The following ZMYM5 variants were observed in gnomAD, a reference collection of about 807,000 sequenced individuals.
The protein encoded by ZMYM5 is zinc finger MYM-type protein 5.
Under a neutral mutation model 61.8 loss-of-function variants are expected in ZMYM5, and 41 were observed. That is an observed-to-expected ratio of 0.66 (90% CI 0.52 to 0.86). The LOEUF is 0.86. Ranked by LOEUF, ZMYM5 falls within the 40% of genes least tolerant of loss-of-function variation. The probability of loss-of-function intolerance (pLI) is 0.00; values close to 1 mark genes in which losing one functional copy is unlikely to be tolerated. For missense variants in ZMYM5, 706 were observed against 786.7 expected, an observed-to-expected ratio of 0.90 and a Z score of 1.23; for synonymous variants, 257 against 276.4, an observed-to-expected ratio of 0.93 and a Z score of 0.70.
chr13:19,844,784 G>A (rs1006223077), intron 4 of ZMYM5, among the ~76,000 whole-genome samples: 2 of 152,114 alleles, frequency 1.3e-5, no homozygotes, highest in African/African-American at 4.8e-5. Context: ...ACCACGCCAA[G>A]CAAATTTTTT....
intron 2 of ZMYM5, among the ~76,000 whole-genome samples, chr13:19,852,643 T>G (rs978855022): frequency 1.3e-5 from 2 of 152,230 alleles, no homozygotes; most frequent in African/African-American, 4.8e-5. Flanking sequence ...TAATTATCTT[T>G]ATGCATCTTT....
intron 2 of ZMYM5, among the ~76,000 whole-genome samples, chr13:19,853,265 A>G (rs1039307901): frequency 3.9e-5 from 6 of 152,350 alleles, no homozygotes; most frequent in South Asian, 2.1e-4. Context: ...CTGGAAGTGA[A>G]TAACTGATGA....
intron 4 of ZMYM5, among the ~76,000 whole-genome samples, chr13:19,849,946 A>G (rs1953224774): frequency 6.6e-6 from 1 of 151,932 alleles, no homozygotes; most frequent in Non-Finnish European, 1.5e-5. Flanking sequence ...GTGCCACTGC[A>G]TTCCAGCCTG....
intron 4 of ZMYM5, among the ~76,000 whole-genome samples, chr13:19,840,994 C>T (rs1054172740): frequency 1.5e-5 from 2 of 136,744 alleles, no homozygotes; most frequent in African/African-American, 5.3e-5. Context: ...CCACTTTTTA[C>T]TTTTTTTTTT....
At chr13:19,830,039 A>T (rs887042133) in intron 7 of ZMYM5, among the ~76,000 whole-genome samples, 3 of 151,946 alleles carry the variant, frequency 2.0e-5, no homozygotes, top group African/African-American at 7.3e-5. Context: ...GCACCTCTGG[A>T]CTCTATCCAC....
At chr13:19,856,570 G>A (rs1953519145) in intron 2 of ZMYM5, among the ~76,000 whole-genome samples, 1 of 151,948 alleles carries the variant, frequency 6.6e-6, no homozygotes, top group Non-Finnish European at 1.5e-5. Context: ...AACCCGGGAG[G>A]CAGAGGTTGA....
chr13:19,828,834 A>C (rs1891059306), intron 7 of ZMYM5, among the ~76,000 whole-genome samples: 1 of 152,296 alleles, frequency 6.6e-6, no homozygotes, highest in South Asian at 2.1e-4. Flanking sequence ...ATTTACTGAT[A>C]TGGGAAACAA....
chr13:19,858,405 C>T (rs1407624550), intron 2 of ZMYM5, among the ~76,000 whole-genome samples: 5 of 151,380 alleles, frequency 3.3e-5, no homozygotes, highest in African/African-American at 9.7e-5. Flanking sequence ...GGCAACATGG[C>T]GAAACCTTGT....
chr13:19,838,909 G>A lies in ZMYM5; in HGVS notation c.663C>T (p.Ala221=). The A allele has an allele frequency of 1.2e-6, 2 of 1,614,108 alleles. No homozygotes were observed. Among genetic ancestry groups the A allele is most frequent in the Admixed American group, 1.7e-5 (1 of 59,976 alleles). The change falls in exon 5 of 8, where the codon GCC becomes GCT. Residue 221 remains alanine (A), a synonymous_variant. Transcript: ENST00000337963. ...QPGVDSLSPV[A]LLRKQNFQPT... is the part of the protein sequence containing the mutation. ...GCTGGAAATTCTGCTTACGAAGTAA[G>A]GCCACTGGTGATAAAGAATCCACCC...
At chr13:19,851,603 C>G in intron 3 of ZMYM5, 86 bp downstream of exon 3, 1 of 1,547,710 alleles carries the variant, frequency 6.5e-7, no homozygotes, top group Non-Finnish European at 8.7e-7. Flanking sequence ...AGAGCTTATA[C>G]CTGTTTCTAA....
At chr13:19,829,119 A>G (rs1232281184) in intron 7 of ZMYM5, among the ~76,000 whole-genome samples, 11 of 152,154 alleles carry the variant, frequency 7.2e-5, no homozygotes, top group African/African-American at 2.6e-4. Context: ...AACAAAACAA[A>G]ACAAAAAAAA....
chr13:19,839,927 T>C (rs910754736), intron 4 of ZMYM5, among the ~76,000 whole-genome samples: 15 of 152,306 alleles, frequency 9.8e-5, no homozygotes, highest in Middle Eastern at 3.4e-3. Flanking sequence ...TAAATTACTG[T>C]TAGCTTCAAA....
chr13:19,825,362 C>T (rs1326656929), intron 7 of ZMYM5, 127 bp from the exon 8 acceptor site: 20 of 888,878 alleles, frequency 2.3e-5, no homozygotes, highest in Non-Finnish European at 2.6e-5. Context: ...AAGACGACGA[C>T]GGTCGGGTGC....
rs774711026 is a variant in ZMYM5 at position 19,851,464 on chromosome 13, T to C, written c.493-16A>G. 3.1e-6 allele frequency: 5 copies of C among 1,612,766 alleles called. No homozygotes were observed. In the South Asian group the frequency reaches 4.4e-5, roughly 14 times the overall value. Reference sequence around the variant, plus strand: ...CAGTCTTGGTCTGTGGAGTTAAAGATGGGGTGTACGTTTGTATATTAACAC... The same window carrying C: ...CAGTCTTGGTCTGTGGAGTTAAAGACGGGGTGTACGTTTGTATATTAACAC... On this transcript the variant is annotated splice_polypyrimidine_tract_variant and intron_variant, in intron 3 of 7. Coordinates refer to ENST00000337963, the MANE Select transcript of ZMYM5 (RefSeq NM_001142684.2).
At chr13:19,844,483 T>C (rs1313241588) in intron 4 of ZMYM5, among the ~76,000 whole-genome samples, 2 of 152,240 alleles carry the variant, frequency 1.3e-5, no homozygotes, top group East Asian at 3.8e-4. Flanking sequence ...GTGACAGATG[T>C]GAATTTGAGA....
chr13:19,848,278 C>G (rs184708238), intron 4 of ZMYM5, among the ~76,000 whole-genome samples: 1 of 151,962 alleles, frequency 6.6e-6, no homozygotes, highest in African/African-American at 2.4e-5. Context: ...AGCCACCACA[C>G]CCAGGTAATT....
At chr13:19,853,866 G>A (rs1249439929) in intron 2 of ZMYM5, among the ~76,000 whole-genome samples, 1 of 152,016 alleles carries the variant, frequency 6.6e-6, no homozygotes, top group East Asian at 1.9e-4. Context: ...ATAGGTGTGA[G>A]CTACCAGGCC....
At chr13:19,831,047 G>C (rs1026214514) in intron 7 of ZMYM5, among the ~76,000 whole-genome samples, 1 of 151,334 alleles carries the variant, frequency 6.6e-6, no homozygotes, top group Non-Finnish European at 1.5e-5. Context: ...CACCGTGTTA[G>C]CCAGGATGGT....
In ZMYM5 at chr13:19,851,693, C is replaced by G. The variant is rs1566104817; in HGVS notation, c.488G>C (p.Ser163Thr). 1.3e-6 allele frequency: 2 copies of G among 1,567,172 alleles called. No individual in the cohort carries two copies. The highest frequency in any genetic ancestry group is 1.7e-6 in the Non-Finnish European group (2 of 1,163,842). The change falls in exon 3 of 8, where the codon AGT becomes ACT. Residue 163 changes from serine (S) to threonine (T), a missense_variant. Physicochemically the swap from Ser to Thr is moderately conservative, Grantham distance 58. This residue lies in a region of ZMYM5 where 480 missense variants were observed against 461.7 expected (regional missense o/e 1.04). Coordinates refer to ENST00000337963, the MANE Select transcript of ZMYM5 (RefSeq NM_001142684.2). ...LDFSTSSLSR[S>T]KTKTGVRPFN... The stretch of plus-strand genomic sequence containing the variant: ...ATTACCCATTCCTGCATTTACCTTA[C>G]TTCTTGAAAGACTGGAAGTGGAGAA...
Sources: gnomAD v4.1 joint callset for allele counts (sites outside exome capture counted in the v4.1 genomes callset) on GRCh38, gnomAD v4.1.1 for gene constraint, gnomAD v4.1.1 regional missense constraint, MANE v1.5 for transcripts, NCBI Gene and HGNC (gene_info 2026-07-23, HGNC 2026-07-21) for gene names.